COL5A2: variants seen among roughly 807,000 people sequenced by gnomAD.
COL5A2 encodes collagen type V alpha 2 chain, also known as collagen alpha-2(V) chain.
COL5A2 carries 23 observed loss-of-function variants against 208.2 expected under a neutral mutation model. That is an observed-to-expected ratio of 0.11 (90% CI 0.08 to 0.16). COL5A2 has a LOEUF of 0.16. COL5A2 is among the 10% of genes least tolerant of loss of function. The pLI, the probability that COL5A2 is intolerant of heterozygous loss-of-function variation, is 1.00. For missense variants in COL5A2, 1,590 were observed against 1,956.4 expected (o/e 0.81, Z 3.53); for synonymous variants, 625 against 628.5 (o/e 0.99, Z 0.08).
intron 20 of COL5A2, 43 bp downstream of exon 20, chr2:189,068,183 T>A: frequency 6.2e-7 from 1 of 1,608,548 alleles, no homozygotes; most frequent in East Asian, 2.2e-5. Flanking sequence ...GTCTAAAGAA[T>A]CATGCCCATT....
chr2:189,212,627 AGAC>A (rs1481903719), intron 1 of COL5A2, among the ~76,000 whole-genome samples: 1 of 148,726 alleles, frequency 6.7e-6, no homozygotes, highest in Admixed American at 6.7e-5. Context: ...CAATAGAGCA[AGAC>A]TCAGTCTCAA....
the COL5A2 span, among the ~76,000 whole-genome samples, chr2:189,417,867 ACTTT>A: frequency 6.6e-6 from 1 of 151,988 alleles, no homozygotes; most frequent in African/African-American, 2.4e-5. Context: ...CACACACAAT[ACTTT>A]CTTCATTCAT....
chr2:189,190,935 A>T (rs1295706900), intron 1 of COL5A2, among the ~76,000 whole-genome samples: 1 of 152,158 alleles, frequency 6.6e-6, no homozygotes, highest in Non-Finnish European at 1.5e-5. Flanking sequence ...TAATAGACGC[A>T]ATCACTGATA....
the COL5A2 span, among the ~76,000 whole-genome samples, chr2:189,275,981 T>C: frequency 1.3e-5 from 2 of 152,210 alleles, no homozygotes; most frequent in African/African-American, 2.4e-5. Context: ...TTCAATTGTT[T>C]ATAACAACCC....
chr2:189,320,834 C>T, the COL5A2 span, among the ~76,000 whole-genome samples: 4 of 152,190 alleles, frequency 2.6e-5, no homozygotes, highest in East Asian at 3.9e-4. Context: ...AGATACTCCT[C>T]GAGAAGAGCA....
intron 24 of COL5A2, 109 bp downstream of exon 24, chr2:189,064,895 C>G: frequency 9.3e-7 from 1 of 1,075,136 alleles, no homozygotes; most frequent in Non-Finnish European, 1.4e-6. Flanking sequence ...GTATCCATCT[C>G]CTTTCTGGAT....
intron 6 of COL5A2, chr2:189,096,306 A>G (rs1214085590): frequency 1.3e-5 from 2 of 152,188 alleles, no homozygotes; most frequent in Non-Finnish European, 2.9e-5. Context: ...TAATTGAAAC[A>G]TGGGATAATG....
intron 1 of COL5A2, among the ~76,000 whole-genome samples, chr2:189,209,409 T>C (rs370959077): frequency 6.6e-6 from 1 of 152,206 alleles, no homozygotes; most frequent in Non-Finnish European, 1.5e-5. Flanking sequence ...TAATATCTAA[T>C]ATTTCTGTAG....
At chr2:189,391,592 T>C in the COL5A2 span, among the ~76,000 whole-genome samples, 2 of 152,130 alleles carry the variant, frequency 1.3e-5, no homozygotes, top group East Asian at 3.8e-4. Context: ...AGTGCTTCCT[T>C]CTATCCCATC....
intron 1 of COL5A2, among the ~76,000 whole-genome samples, chr2:189,155,830 C>A (rs1044935978): frequency 6.6e-6 from 1 of 152,154 alleles, no homozygotes; most frequent in Non-Finnish European, 1.5e-5. Context: ...GGGCTAACAT[C>A]AAGATATTGA....
chr2:189,336,121 C>T, the COL5A2 span, among the ~76,000 whole-genome samples: 1 of 151,708 alleles, frequency 6.6e-6, no homozygotes, highest in South Asian at 2.1e-4. Flanking sequence ...ATGGAAAGGC[C>T]AATAAACACA....
At chr2:189,362,717 A>G in the COL5A2 span, among the ~76,000 whole-genome samples, 1 of 152,144 alleles carries the variant, frequency 6.6e-6, no homozygotes, top group Non-Finnish European at 1.5e-5. Flanking sequence ...AAGCAAGTCT[A>G]GTTTCTGCTT....
intron 1 of COL5A2, among the ~76,000 whole-genome samples, chr2:189,211,119 A>T (rs1689207615): frequency 6.6e-6 from 1 of 152,212 alleles, no homozygotes. Context: ...TAAGCGAAAG[A>T]CGTGGGTAAA....
At chr2:189,264,545 A>C in the COL5A2 span, among the ~76,000 whole-genome samples, 1 of 152,210 alleles carries the variant, frequency 6.6e-6, no homozygotes, top group East Asian at 1.9e-4. Flanking sequence ...TGGTAAAACC[A>C]TAAAGAAAAG....
the COL5A2 span, among the ~76,000 whole-genome samples, chr2:189,359,165 T>A: frequency 6.6e-6 from 1 of 152,194 alleles, no homozygotes; most frequent in African/African-American, 2.4e-5. Context: ...GAGAAAAAGC[T>A]TTCAATTTTT....
At chr2:189,371,322 C>T in the COL5A2 span, among the ~76,000 whole-genome samples, 3 of 152,224 alleles carry the variant, frequency 2.0e-5, 1 homozygote, top group South Asian at 6.2e-4. Flanking sequence ...AAAATTTCTA[C>T]CAAGAAGTGG....
At chr2:189,267,915 CA>C in the COL5A2 span, among the ~76,000 whole-genome samples, 1 of 152,152 alleles carries the variant, frequency 6.6e-6, no homozygotes, top group African/African-American at 2.4e-5. Context: ...GCTTTTTTAT[CA>C]ATCCATTTAT....
the COL5A2 span, among the ~76,000 whole-genome samples, chr2:189,421,795 C>A: frequency 6.6e-6 from 1 of 151,906 alleles, no homozygotes; most frequent in African/African-American, 2.4e-5. Context: ...AGGAGGCAGA[C>A]CTCAGCAGCT....
At chr2:189,152,855 G>A (rs938027109) in intron 1 of COL5A2, among the ~76,000 whole-genome samples, 11 of 152,116 alleles carry the variant, frequency 7.2e-5, no homozygotes, top group Non-Finnish European at 1.6e-4. Flanking sequence ...AAGGCAGATG[G>A]GGAATTTTAT....
Sources: allele counts gnomAD v4.1 joint callset (sites outside exome capture counted in the v4.1 genomes callset), GRCh38; gene constraint gnomAD v4.1.1; transcripts MANE v1.5; gene names NCBI Gene and HGNC (gene_info 2026-07-23, HGNC 2026-07-21).